The following MMP16 variants were observed in gnomAD, a reference collection of about 807,000 sequenced individuals.
The protein encoded by MMP16 is matrix metallopeptidase 16, also known as matrix metalloproteinase-16.
MMP16 carries 12 observed loss-of-function variants against 67.8 expected under a neutral mutation model. The observed-to-expected ratio is 0.18, with a 90% confidence interval of 0.11 to 0.29. The LOEUF (loss-of-function observed/expected upper bound fraction) is 0.29. Among genes scored for constraint, MMP16 ranks in the 10% least tolerant of loss-of-function variants. The pLI is 1.00. For synonymous variants in MMP16, 249 were observed against 255.9 expected (o/e 0.97, Z 0.26); for missense variants, 475 against 765.7 (o/e 0.62, Z 4.48).
chr8:88,184,403 A>G (rs1332821978), intron 3 of MMP16, among the ~76,000 whole-genome samples: 1 of 151,762 alleles, frequency 6.6e-6, no homozygotes, highest in Non-Finnish European at 1.5e-5. Context: ...ATAATCTATC[A>G]TTCTTCATCA....
At position 88,206,513 on chromosome 8, in the gene MMP16, C is replaced by T. The variant is rs368563125; in HGVS notation, c.133-9207G>A. Among the ~76,000 whole-genome samples the T allele has an allele frequency of 1.2e-4, 18 of 152,224 alleles. No homozygotes were observed. The East Asian group carries it at 3.1e-3, about 26-fold the overall frequency. ...GTCAGAGTGAGGGAGGGTGTGAGTG[C>T]GCCCTGCAAGGGGATGGCATCCTGT... On this transcript the variant is annotated intron_variant, in intron 1 of 9. Coordinates refer to ENST00000286614, the MANE Select transcript of MMP16 (RefSeq NM_005941.5).
At chr8:88,212,338 A>T (rs918512640) in intron 1 of MMP16, among the ~76,000 whole-genome samples, 7 of 152,162 alleles carry the variant, frequency 4.6e-5, no homozygotes, top group African/African-American at 1.7e-4. Flanking sequence ...GAAGATAATG[A>T]TTATGCTTCC....
intron 1 of MMP16, among the ~76,000 whole-genome samples, chr8:88,257,278 A>G (rs1172786374): frequency 6.6e-6 from 1 of 152,222 alleles, no homozygotes; most frequent in East Asian, 1.9e-4. Flanking sequence ...ACCTGTGTAT[A>G]CATAATAGTA....
intron 1 of MMP16, among the ~76,000 whole-genome samples, chr8:88,271,049 G>A (rs980894854): frequency 2.6e-5 from 4 of 152,098 alleles, no homozygotes; most frequent in South Asian, 2.1e-4. Flanking sequence ...AAGTAAAGTC[G>A]GTACACTTAA....
rs777078962 is a variant in MMP16, at chr8:88,118,851, T to C, written c.720A>G (p.Leu240=). 3 of 1,612,792 alleles carry C rather than the reference T, an allele frequency of 1.9e-6. No individual in the cohort carries two copies. Among genetic ancestry groups the C allele is most frequent in the Admixed American group, 1.7e-5 (1 of 59,822 alleles). ...CCAGTTCATGGACTGCTACAAGAAA[T>C]AAGTCATTTCCTGTGTGAACAAGAA... ...LGNPNHDGND[L]FLVAVHELGH... The change falls in exon 5 of 10, where the codon TTA becomes TTG. Residue 240 remains leucine (L), a synonymous_variant. Transcript: ENST00000286614.
intron 1 of MMP16, among the ~76,000 whole-genome samples, chr8:88,305,747 A>C (rs893466326): frequency 1.2e-4 from 19 of 152,214 alleles, no homozygotes; most frequent in African/African-American, 4.6e-4. Flanking sequence ...AAACAGAACA[A>C]GGAGACAATG....
At chr8:88,111,342 C>A (rs1809333215) in intron 6 of MMP16, among the ~76,000 whole-genome samples, 1 of 151,684 alleles carries the variant, frequency 6.6e-6, no homozygotes, top group South Asian at 2.1e-4. Context: ...AAACGACAGT[C>A]TGGACAGAAA....
At position 88,314,247 on chromosome 8, in the gene MMP16, A is replaced by G. The variant is rs140794401; in HGVS notation, c.132+12828T>C. 6.3e-3 allele frequency among the ~76,000 whole-genome samples: 952 copies of G among 152,302 alleles called. 6 individuals are homozygous for G. The highest frequency in any genetic ancestry group is 0.022 in the African/African-American group (904 of 41,586). On this transcript the variant is annotated intron_variant, in intron 1 of 9. Coordinates refer to ENST00000286614, the MANE Select transcript of MMP16 (RefSeq NM_005941.5). ...TTTATCTCTAAAGTTCAATTTCAATATATCTTCCATATGTCAACTTTTGGA... is the reference window on the plus strand; with the variant it reads ...TTTATCTCTAAAGTTCAATTTCAATGTATCTTCCATATGTCAACTTTTGGA...
intron 7 of MMP16, among the ~76,000 whole-genome samples, chr8:88,061,125 TATACACAC>T (rs1198716817): frequency 2.4e-4 from 28 of 116,640 alleles, no homozygotes; most frequent in African/African-American, 1.1e-3. Context: ...ATCTGAATAT[TATACACAC>T]ACACACACAC....
chr8:88,264,076 T>A (rs1306476938), intron 1 of MMP16, among the ~76,000 whole-genome samples: 145 of 147,528 alleles, frequency 9.8e-4, no homozygotes, highest in South Asian at 2.6e-3. Context: ...AGAGTGTGTG[T>A]GTGTGTGTGT....
At chr8:88,178,798 C>G (rs564234464) in intron 3 of MMP16, among the ~76,000 whole-genome samples, 1 of 151,834 alleles carries the variant, frequency 6.6e-6, no homozygotes, top group Non-Finnish European at 1.5e-5. Context: ...TTATATGTTG[C>G]CTTTTCCTTT....
chr8:88,110,562 A>C (rs912283649), intron 6 of MMP16, among the ~76,000 whole-genome samples: 5 of 151,620 alleles, frequency 3.3e-5, no homozygotes, highest in African/African-American at 9.7e-5. Context: ...ACTTCCTGGC[A>C]GTATGGAATT....
chr8:88,233,620 A>C (rs1454360092), intron 1 of MMP16, among the ~76,000 whole-genome samples: 2 of 152,168 alleles, frequency 1.3e-5, no homozygotes, highest in Non-Finnish European at 2.9e-5. Context: ...TGAACAAAGG[A>C]GCACCTTCCA....
chr8:88,210,542 C>G (rs1809497613), intron 1 of MMP16, among the ~76,000 whole-genome samples: 1 of 152,142 alleles, frequency 6.6e-6, no homozygotes, highest in Non-Finnish European at 1.5e-5. Context: ...TACTCTCCCC[C>G]ATATACACAC....
intron 3 of MMP16, among the ~76,000 whole-genome samples, chr8:88,180,719 C>T (rs551425036): frequency 4.6e-5 from 7 of 151,756 alleles, no homozygotes; most frequent in East Asian, 1.9e-4. Context: ...GATATCAATA[C>T]CAGATAAAGA....
intron 4 of MMP16, among the ~76,000 whole-genome samples, chr8:88,135,581 G>C (rs1401138049): frequency 6.6e-6 from 1 of 151,760 alleles, no homozygotes; most frequent in Non-Finnish European, 1.5e-5. Flanking sequence ...AAGAAATAAT[G>C]AACTAAGGTA....
intron 1 of MMP16, among the ~76,000 whole-genome samples, chr8:88,226,973 A>G (rs1420478198): frequency 6.6e-6 from 1 of 152,082 alleles, no homozygotes; most frequent in Non-Finnish European, 1.5e-5. Context: ...TAGGGATTTC[A>G]TATCTAGTTC....
intron 1 of MMP16, among the ~76,000 whole-genome samples, chr8:88,318,886 T>C (rs1226994161): frequency 2.0e-5 from 3 of 152,162 alleles, no homozygotes; most frequent in African/African-American, 7.2e-5. Flanking sequence ...TGGACCTTTG[T>C]TTAATCAGAA....
chr8:88,159,496 T>G (rs903652370), intron 4 of MMP16, among the ~76,000 whole-genome samples: 3 of 152,222 alleles, frequency 2.0e-5, no homozygotes, highest in African/African-American at 7.2e-5. Context: ...ATGCTTGTGA[T>G]TTTTCACATT....
Sources: allele counts gnomAD v4.1 joint callset (sites outside exome capture counted in the v4.1 genomes callset), GRCh38; gene constraint gnomAD v4.1.1; transcripts MANE v1.5; gene names NCBI Gene and HGNC (gene_info 2026-07-23, HGNC 2026-07-21).